PPP1R12B: variants seen among roughly 807,000 people sequenced by gnomAD.
PPP1R12B encodes the protein protein phosphatase 1 regulatory subunit 12B, also known as myosin phosphatase target subunit 2.
In PPP1R12B, 76 loss-of-function variants were observed where a neutral mutation model predicts 126.1. The observed-to-expected ratio is 0.60, with a 90% CI of 0.50 to 0.73. The LOEUF is 0.73. Ranked by LOEUF, PPP1R12B falls within the 30% of genes least tolerant of loss-of-function variation. The pLI is 0.00. For missense variants in PPP1R12B, 1,052 were observed against 1,205.1 expected (o/e 0.87, Z 1.88); for synonymous variants, 356 against 434.7 (o/e 0.82, Z 2.25).
Position 202,433,750 on chromosome 1 carries a change from T to C in PPP1R12B, c.1142-906T>C, listed in dbSNP as rs142078902. ...AAAGTCTTTCTTTAGGTTTTTCTAA[T>C]ATAGGAAGCTGAAAGGAAATGGGCC... is the stretch of plus-strand genomic sequence containing the variant. On this transcript the variant is annotated intron_variant, in intron 8 of 23. Coordinates refer to ENST00000608999, the MANE Select transcript of PPP1R12B (RefSeq NM_002481.4). 2.0e-3 allele frequency among the ~76,000 whole-genome samples: 306 copies of C among 152,318 alleles called. 1 individual carries two copies. Among genetic ancestry groups the C allele is most frequent in the Non-Finnish European group, 2.6e-3 (179 of 68,024 alleles).
chr1:202,349,249 A>T, intron 1 of PPP1R12B, 107 bp downstream of exon 1: 2 of 1,310,332 alleles, frequency 1.5e-6, no homozygotes, highest in Non-Finnish European at 2.1e-6. Context: ...CTCCTTCTGC[A>T]TGGACACTGC....
At chr1:202,431,690 G>GCT (rs1345976564) in intron 8 of PPP1R12B, 71 bp downstream of exon 8, 2 of 1,440,628 alleles carry the variant, frequency 1.4e-6, no homozygotes, top group Admixed American at 2.4e-5. Flanking sequence ...TTGTCAGAGA[G>GCT]CTAGCCAGGC....
intron 5 of PPP1R12B, 39 bp downstream of exon 5, chr1:202,427,223 G>A (rs1316945820): frequency 6.2e-7 from 1 of 1,609,948 alleles, no homozygotes; most frequent in East Asian, 2.2e-5. Flanking sequence ...AACGAGATTG[G>A]TGGCTGGGTC....
intron 20 of PPP1R12B, among the ~76,000 whole-genome samples, chr1:202,563,641 A>G (rs556121015): frequency 5.7e-4 from 87 of 151,896 alleles, no homozygotes; most frequent in Non-Finnish European, 9.3e-4. Flanking sequence ...AAAAAAAAAA[A>G]AAAGAAAAGA....
chr1:202,356,606 T>C (rs1657146248), intron 1 of PPP1R12B, among the ~76,000 whole-genome samples: 1 of 152,170 alleles, frequency 6.6e-6, no homozygotes, highest in South Asian at 2.1e-4. Context: ...CAAGCATCCA[T>C]ATAAGACAGG....
chr1:202,444,429 G>A (rs377339890), intron 12 of PPP1R12B, among the ~76,000 whole-genome samples: 1 of 152,142 alleles, frequency 6.6e-6, no homozygotes, highest in Non-Finnish European at 1.5e-5. Context: ...TGCTCATACA[G>A]TATTACTTTC....
chr1:202,577,519 A>G (rs1332890345), intron 23 of PPP1R12B, among the ~76,000 whole-genome samples: 1 of 152,130 alleles, frequency 6.6e-6, no homozygotes, highest in Non-Finnish European at 1.5e-5. Flanking sequence ...AGAAGGAAGG[A>G]TGAGATAACT....
intron 13 of PPP1R12B, among the ~76,000 whole-genome samples, chr1:202,487,109 C>G (rs868050008): frequency 6.6e-6 from 1 of 151,956 alleles, no homozygotes; most frequent in Non-Finnish European, 1.5e-5. Context: ...TTGAGCTTGT[C>G]CCAAGAATTC....
rs973955747 is a variant in PPP1R12B at position 202,583,336 on chromosome 1, C to T, written c.*2776C>T. 4.6e-5 allele frequency: 7 copies of T among 152,184 alleles called. No individual in the cohort carries two copies. The highest frequency in any genetic ancestry group is 7.3e-5 in the Non-Finnish European group (5 of 68,044). The allele number at this position is 152,184 out of a possible 1,614,324, so 9.4% of individuals were successfully genotyped here. A position where few individuals can be genotyped will look rare whatever the true frequency, so the allele number is the denominator to read the frequency against. On this transcript the variant is annotated 3_prime_UTR_variant, in exon 24 of 24. Coordinates refer to ENST00000608999, the MANE Select transcript of PPP1R12B (RefSeq NM_002481.4). ...GTACTGGGGGCAGATTCTCAAAACT[C>T]TTAGATTGGTGTTGCATCCCTGCCA... is the stretch of plus-strand genomic sequence containing the variant.
At chr1:202,380,172 T>G (rs1662007131) in intron 1 of PPP1R12B, among the ~76,000 whole-genome samples, 1 of 152,092 alleles carries the variant, frequency 6.6e-6, no homozygotes, top group South Asian at 2.1e-4. Flanking sequence ...CGTAAAACCC[T>G]CCTAATCACT....
At chr1:202,506,389 T>C (rs1412890251) in intron 18 of PPP1R12B, among the ~76,000 whole-genome samples, 2 of 152,228 alleles carry the variant, frequency 1.3e-5, no homozygotes, top group Non-Finnish European at 2.9e-5. Context: ...TAATTTTAGG[T>C]CGTGCTGTTG....
chr1:202,406,157 T>TGATCTG (rs1433823955), intron 1 of PPP1R12B, among the ~76,000 whole-genome samples: 1 of 152,154 alleles, frequency 6.6e-6, no homozygotes, highest in Non-Finnish European at 1.5e-5. Flanking sequence ...GGGCACAGAG[T>TGATCTG]GATCTGGAGT....
At chr1:202,574,977 C>G (rs762582684) in intron 23 of PPP1R12B, 1 of 1,575,426 alleles carries the variant, frequency 6.3e-7, no homozygotes, top group East Asian at 2.2e-5. Flanking sequence ...TTCTGTCTGT[C>G]CTTTTCATGT....
At chr1:202,362,450 G>A (rs915100407) in intron 1 of PPP1R12B, among the ~76,000 whole-genome samples, 5 of 152,146 alleles carry the variant, frequency 3.3e-5, no homozygotes, top group African/African-American at 9.7e-5. Context: ...GTGGTGAGCC[G>A]CATCCATTCC....
chr1:202,452,039 G>T (rs1351825303), intron 13 of PPP1R12B, among the ~76,000 whole-genome samples: 1 of 151,902 alleles, frequency 6.6e-6, no homozygotes, highest in Non-Finnish European at 1.5e-5. Context: ...GGTCGCGGCC[G>T]GGCAGAGGCG....
chr1:202,569,366 C>T (rs766648421), intron 23 of PPP1R12B, among the ~76,000 whole-genome samples, 169 bp downstream of exon 23: 1 of 152,174 alleles, frequency 6.6e-6, no homozygotes, highest in Non-Finnish European at 1.5e-5. Context: ...TTCCTAGGCT[C>T]TCTCAGCTCA....
At chr1:202,447,261 G>A (rs532874028) in intron 12 of PPP1R12B, among the ~76,000 whole-genome samples, 13 of 152,276 alleles carry the variant, frequency 8.5e-5, no homozygotes, top group South Asian at 4.1e-4. Context: ...TTTTATAGAC[G>A]AGGAAACTCA....
At chr1:202,574,951 T>C in intron 23 of PPP1R12B, 1 of 1,512,384 alleles carries the variant, frequency 6.6e-7, no homozygotes, top group Non-Finnish European at 9.1e-7. Flanking sequence ...TGGTCTGTCT[T>C]GTCTCTCTCT....
rs1412730664 is a variant in PPP1R12B, at chr1:202,587,147, A to C, written c.*6587A>C. On this transcript the variant is annotated 3_prime_UTR_variant, in exon 24 of 24. Transcript: ENST00000608999. ...AATTTTTCCCTGATGTTTCCAATAA[A>C]GATTTACTTGGGTGGCCCCTTAAGG... 1.3e-5 allele frequency: 2 copies of C among 151,976 alleles called. No individual in the cohort carries two copies. Among genetic ancestry groups the C allele is most frequent in the East Asian group, 3.8e-4 (2 of 5,196 alleles). 9.4% of individuals were successfully genotyped at this position (151,976 alleles called of 1,614,324 possible).
Sources: gnomAD v4.1 joint callset for allele counts (sites outside exome capture counted in the v4.1 genomes callset) on GRCh38, gnomAD v4.1.1 for gene constraint, MANE v1.5 for transcripts, NCBI Gene and HGNC (gene_info 2026-07-23, HGNC 2026-07-21) for gene names.